The following GNA11 variants were observed in gnomAD, a reference collection of about 807,000 sequenced individuals.
GNA11 encodes the protein G protein subunit alpha 11, also known as guanine nucleotide-binding protein subunit alpha-11.
GNA11 carries 8 observed loss-of-function variants against 38.2 expected under a neutral mutation model. The ratio of observed to expected loss-of-function variants is 0.21; its 90% confidence interval spans 0.12 to 0.38. GNA11 has a LOEUF of 0.38. GNA11 is among the 10% of genes least tolerant of loss of function. The probability of loss-of-function intolerance (pLI) is 1.00; values close to 1 mark genes in which losing one functional copy is unlikely to be tolerated. For synonymous variants in GNA11, 211 were observed against 221.4 expected, an observed-to-expected ratio of 0.95 and a Z score of 0.42; for missense variants, 268 against 516.3, an observed-to-expected ratio of 0.52 and a Z score of 4.66.
chr19:3,111,079 C>T (rs1913763662), intron 2 of GNA11, among the ~76,000 whole-genome samples: 1 of 152,178 alleles, frequency 6.6e-6, no homozygotes, highest in Non-Finnish European at 1.5e-5. Context: ...CAGGTATGAG[C>T]CACCATGCCT....
chr19:3,095,698 G>C (rs1447333566), intron 1 of GNA11, among the ~76,000 whole-genome samples: 1 of 152,102 alleles, frequency 6.6e-6, no homozygotes, highest in Non-Finnish European at 1.5e-5. Flanking sequence ...GGGTGGGGCG[G>C]TTGACACCTG....
chr19:3,097,512 AG>A (rs1485234601), intron 1 of GNA11, among the ~76,000 whole-genome samples: 1 of 152,190 alleles, frequency 6.6e-6, no homozygotes, highest in East Asian at 1.9e-4. Context: ...GCAGGGCTCC[AG>A]GGCCCTGCCC....
At position 3,110,182 on chromosome 19, in the gene GNA11, A is replaced by G; in HGVS notation, c.170A>G (p.Lys57Arg). Residue 57 changes from lysine (K) to arginine (R), a missense_variant, in exon 2 of 7, where the codon AAG (lysine) becomes AGG (arginine). Coordinates refer to ENST00000078429, the MANE Select transcript of GNA11 (RefSeq NM_002067.5). The surrounding 1 kb of genome is among the most constrained non-coding windows in gnomAD (Gnocchi z 5.4). ...GAGAGCGGGAAGAGCACGTTCATCA[A>G]GCAGATGCGCATCATCCACGGCGCC... ...TGESGKSTFI[K>R]QMRIIHGAGY... 1 of 1,612,936 alleles carries G rather than the reference A, an allele frequency of 6.2e-7. No individual in the cohort carries two copies. Among genetic ancestry groups the G allele is most frequent in the Non-Finnish European group, 8.5e-7 (1 of 1,179,612 alleles).
intron 1 of GNA11, among the ~76,000 whole-genome samples, chr19:3,095,573 C>T (rs779480503): frequency 1.3e-5 from 2 of 152,088 alleles, no homozygotes; most frequent in African/African-American, 4.8e-5. Flanking sequence ...CCCACATTCC[C>T]TTCAGGGCCA....
intron 2 of GNA11, among the ~76,000 whole-genome samples, chr19:3,111,232 G>A (rs963507410): frequency 2.6e-5 from 4 of 151,910 alleles, no homozygotes; most frequent in Admixed American, 6.6e-5. Flanking sequence ...GGTGGTTTTC[G>A]ATATGTTTGC....
chr19:3,121,674 A>G lies in GNA11; in HGVS notation c.*495A>G, dbSNP rs1310318950. ...CCTGCCCGCTTCTTTTCTTCATCAC[A>G]AAAGGCGTGGAGACTCGGAGACGGA... On this transcript the variant is annotated 3_prime_UTR_variant, in exon 7 of 7. Transcript: ENST00000078429. 4.3e-6 allele frequency: 1 copy of G among 232,080 alleles called. No homozygotes were observed. The highest frequency in any genetic ancestry group is 8.5e-6 in the Non-Finnish European group (1 of 117,522). 14.4% of individuals were successfully genotyped at this position (232,080 alleles called of 1,614,324 possible). A position where few individuals can be genotyped will look rare whatever the true frequency, so the allele number is the denominator to read the frequency against.
chr19:3,105,374 A>G (rs1195162362), intron 1 of GNA11, among the ~76,000 whole-genome samples: 1 of 119,018 alleles, frequency 8.4e-6, no homozygotes, highest in Non-Finnish European at 1.6e-5. Context: ...GACGTCCAAG[A>G]TCAAGGTTCT....
Position 3,123,595 on chromosome 19 carries a change from G to A in GNA11, c.*2416G>A, listed in dbSNP as rs1380712002. 2 of 232,982 alleles carry A rather than the reference G, an allele frequency of 8.6e-6. No homozygotes were observed. Among genetic ancestry groups the A allele is most frequent in the East Asian group, 6.0e-5 (1 of 16,556 alleles). 14.4% of individuals were successfully genotyped at this position (232,982 alleles called of 1,614,324 possible). On this transcript the variant is annotated 3_prime_UTR_variant, in exon 7 of 7. Coordinates refer to ENST00000078429, the MANE Select transcript of GNA11 (RefSeq NM_002067.5). ...TTCTCCGACCATGTTACGCCCGGGC[G>A]GCAGCAGCCCCCGGCCACTGCAAAC...
Position 3,094,887 on chromosome 19 carries a change from C to A in GNA11, c.136+100C>A. 1 of 869,778 alleles carries A rather than the reference C, an allele frequency of 1.1e-6. No homozygotes were observed. The highest frequency in any genetic ancestry group is 1.6e-6 in the Non-Finnish European group (1 of 625,848). The allele number at this position is 869,778 out of a possible 1,614,324, so 53.9% of individuals were successfully genotyped here. On this transcript the variant is annotated intron_variant, in intron 1 of 6. Coordinates refer to ENST00000078429, the MANE Select transcript of GNA11 (RefSeq NM_002067.5). The surrounding 1 kb of genome is among the most constrained non-coding windows in gnomAD (Gnocchi z 6.0). ...CGGGACCCTCCGGGGTCAGCCCTGC[C>A]TGTGCCGTCCGGGTCGCGAGACCCT... is the stretch of plus-strand genomic sequence containing the variant.
chr19:3,107,538 G>T (rs1355809360), intron 1 of GNA11, among the ~76,000 whole-genome samples: 1 of 152,242 alleles, frequency 6.6e-6, no homozygotes, highest in Non-Finnish European at 1.5e-5. Context: ...CTCGTGTCAG[G>T]TGTGGCTTTC....
intron 1 of GNA11, among the ~76,000 whole-genome samples, chr19:3,098,546 T>C (rs1913427689): frequency 6.6e-6 from 1 of 152,252 alleles, no homozygotes; most frequent in African/African-American, 2.4e-5. Context: ...CTGAGGCTGC[T>C]AGCGAGGCTG....
At chr19:3,099,315 G>A (rs962056992) in intron 1 of GNA11, among the ~76,000 whole-genome samples, 1 of 152,198 alleles carries the variant, frequency 6.6e-6, no homozygotes, top group Admixed American at 6.5e-5. Context: ...CAGCTTGTGC[G>A]TGGAGGATGG....
intron 1 of GNA11, among the ~76,000 whole-genome samples, chr19:3,096,868 G>A (rs950617909): frequency 1.3e-5 from 2 of 152,200 alleles, no homozygotes; most frequent in Non-Finnish European, 2.9e-5. Context: ...GCAGAGAGCC[G>A]GGGCTGTCAG....
At chr19:3,111,345 C>T (rs1419983021) in intron 2 of GNA11, among the ~76,000 whole-genome samples, 1 of 152,200 alleles carries the variant, frequency 6.6e-6, no homozygotes, top group East Asian at 1.9e-4. Context: ...CCAGCCCCGG[C>T]ACCCACACAT....
rs1382821436 is a variant in GNA11, at chr19:3,121,253, C to T, written c.*74C>T. 6 of 1,241,146 alleles carry T rather than the reference C, an allele frequency of 4.8e-6. No homozygotes were observed. Among genetic ancestry groups the T allele is most frequent in the East Asian group, 2.6e-5 (1 of 39,188 alleles). 76.9% of individuals were successfully genotyped at this position (1,241,146 alleles called of 1,614,324 possible). A position where few individuals can be genotyped will look rare whatever the true frequency, so the allele number is the denominator to read the frequency against. ...TTCCACGGAGCCTGCGGCTGCCGGG[C>T]GGGTGGCGCTGCCGAGTCCGGGCCG... is the stretch of plus-strand genomic sequence containing the variant. On this transcript the variant is annotated 3_prime_UTR_variant, in exon 7 of 7. Coordinates refer to ENST00000078429, the MANE Select transcript of GNA11 (RefSeq NM_002067.5).
chr19:3,110,375 T>A lies in GNA11; in HGVS notation c.321+42T>A. 1 of 1,540,032 alleles carries A rather than the reference T, an allele frequency of 6.5e-7. No individual in the cohort carries two copies. Among genetic ancestry groups the A allele is most frequent in the South Asian group, 1.1e-5 (1 of 87,466 alleles). On this transcript the variant is annotated intron_variant, in intron 2 of 6. Coordinates refer to ENST00000078429, the MANE Select transcript of GNA11 (RefSeq NM_002067.5). This position sits in a 1 kb window ranked among gnomAD's most constrained non-coding sequence, Gnocchi z 5.4. ...CTGGGGAGGGGAGCGCCTGGGCAGC[T>A]GTGGGCTTGGTGGTGAGCATGGTGG...
In GNA11 at chr19:3,119,340, C is replaced by T. The variant is rs1381946289; in HGVS notation, c.870C>T (p.Asp290=). The change falls in exon 6 of 7, where the codon GAC becomes GAT. Residue 290 remains aspartate (D), a synonymous_variant. Transcript: ENST00000078429. This position sits in a 1 kb window ranked among gnomAD's most constrained non-coding sequence, Gnocchi z 4.6. ...EDKILYSHLV[D]YFPEFDGPQR... ...AGATCCTGTACTCGCACCTGGTGGA[C>T]TACTTCCCCGAGTTCGATGGTGCGC... 6.2e-7 allele frequency: 1 copy of T among 1,613,758 alleles called. No homozygotes were observed. The highest frequency in any genetic ancestry group is 8.5e-7 in the Non-Finnish European group (1 of 1,179,912).
rs1568282175 is a variant in GNA11 at position 3,110,935 on chromosome 19, G to A, written c.321+602G>A. On this transcript the variant is annotated intron_variant, in intron 2 of 6. Transcript: ENST00000078429. The surrounding 1 kb of genome is among the most constrained non-coding windows in gnomAD (Gnocchi z 5.4). ...CACAGCCTCCCGGGTAGCTGGGACT[G>A]CAGGTGCATCACCACGCCTAGCTAA... Among the ~76,000 whole-genome samples the A allele has an allele frequency of 2.0e-5, 3 of 152,142 alleles. No homozygotes were observed.
In GNA11 at chr19:3,119,124, C is replaced by A. The variant is rs2145326638; in HGVS notation, c.735+71C>A. On this transcript the variant is annotated intron_variant, in intron 5 of 6. Transcript: ENST00000078429. The surrounding 1 kb of genome is among the most constrained non-coding windows in gnomAD (Gnocchi z 4.6). The stretch of plus-strand genomic sequence containing the variant: ...CCCACCTGCCAAGCCTGGGTCCCCT[C>A]ACCTGGGTCCCCCCAGCTGCCCCTT... 6.2e-7 allele frequency: 1 copy of A among 1,603,232 alleles called. No individual in the cohort carries two copies.
Sources: allele counts gnomAD v4.1 joint callset (sites outside exome capture counted in the v4.1 genomes callset), GRCh38; gene constraint gnomAD v4.1.1; non-coding constraint Gnocchi (gnomAD v3.1); transcripts MANE v1.5; gene names NCBI Gene and HGNC (gene_info 2026-07-23, HGNC 2026-07-21).